Variants in GYS2 observed in about 807,000 individuals in gnomAD.
The protein encoded by GYS2 is glycogen synthase 2, also known as glycogen [starch] synthase, liver.
A neutral mutation model predicts 85.6 loss-of-function variants in GYS2; 80 were observed. The observed-to-expected ratio is 0.93, with a 90% CI of 0.78 to 1.13. GYS2 has a LOEUF of 1.13. GYS2 is among the 50% of genes most tolerant of loss of function. The pLI, the probability that GYS2 is intolerant of heterozygous loss-of-function variation, is 0.00. For missense variants in GYS2, 881 were observed against 854.9 expected, an observed-to-expected ratio of 1.03 and a Z score of -0.38; for synonymous variants, 328 against 300.7, an observed-to-expected ratio of 1.09 and a Z score of -0.94.
intron 1 of GYS2, among the ~76,000 whole-genome samples, chr12:21,585,224 A>C (rs1258644210): frequency 1.3e-5 from 2 of 152,196 alleles, no homozygotes; most frequent in Non-Finnish European, 2.9e-5. Flanking sequence ...TAGAGGTCTT[A>C]GTTCCAGAGG....
At chr12:21,584,024 C>T (rs748390136) in intron 1 of GYS2, among the ~76,000 whole-genome samples, 1 of 152,192 alleles carries the variant, frequency 6.6e-6, no homozygotes, top group Non-Finnish European at 1.5e-5. Context: ...AGACTAGGTC[C>T]TGGTTCACAG....
intron 1 of GYS2, 82 bp downstream of exon 1, chr12:21,604,390 A>G: frequency 1.2e-6 from 1 of 861,408 alleles, no homozygotes; most frequent in Non-Finnish European, 2.0e-6. Context: ...TTATCACTAG[A>G]GAGTTATCTG....
Position 21,546,325 on chromosome 12 carries a change from C to T in GYS2, c.1549+19G>A, listed in dbSNP as rs369697631. ...CTAACAAAATTCAAAACATTCCACACTCTATACATGACACATACCTGGAGT... is the reference window on the plus strand; with the variant it reads ...CTAACAAAATTCAAAACATTCCACATTCTATACATGACACATACCTGGAGT... On this transcript the variant is annotated intron_variant, in intron 12 of 15. Coordinates refer to ENST00000261195, the MANE Select transcript of GYS2 (RefSeq NM_021957.4). 2.5e-4 allele frequency: 384 copies of T among 1,565,632 alleles called. 4 individuals are homozygous for T. The highest frequency in any genetic ancestry group is 2.4e-3 in the South Asian group (217 of 89,418).
chr12:21,595,444 T>C (rs1448901429), intron 1 of GYS2, among the ~76,000 whole-genome samples: 1 of 152,142 alleles, frequency 6.6e-6, no homozygotes, highest in Non-Finnish European at 1.5e-5. Flanking sequence ...TGACCTTACC[T>C]GGAGTTGAGT....
At chr12:21,565,547 A>G (rs1428832477) in intron 5 of GYS2, among the ~76,000 whole-genome samples, 1 of 149,574 alleles carries the variant, frequency 6.7e-6, no homozygotes, top group East Asian at 2.0e-4. Flanking sequence ...ACCTAAAATC[A>G]TAGTAAAATG....
intron 1 of GYS2, among the ~76,000 whole-genome samples, chr12:21,586,122 G>T (rs1944569746): frequency 1.3e-5 from 2 of 152,090 alleles, no homozygotes; most frequent in South Asian, 4.2e-4. Flanking sequence ...TCAGTGGGCT[G>T]GGAAAGGCAG....
chr12:21,542,435 T>C (rs562189809), intron 13 of GYS2, 61 bp downstream of exon 13: 14 of 958,100 alleles, frequency 1.5e-5, no homozygotes, highest in South Asian at 9.0e-5. Context: ...GTAAAGACCC[T>C]GTGCTTTGTT....
At chr12:21,540,824 A>G (rs1372349823) in intron 13 of GYS2, among the ~76,000 whole-genome samples, 4 of 152,152 alleles carry the variant, frequency 2.6e-5, no homozygotes, top group Admixed American at 2.6e-4. Flanking sequence ...GATACGCTGG[A>G]TCAGTGATCC....
intron 11 of GYS2, among the ~76,000 whole-genome samples, chr12:21,557,770 G>A (rs908753774): frequency 4.6e-5 from 7 of 152,092 alleles, no homozygotes; most frequent in African/African-American, 1.7e-4. Flanking sequence ...ATGGTTGCGG[G>A]CGCCTGTAGT....
chr12:21,550,813 C>T (rs112739015), intron 11 of GYS2, among the ~76,000 whole-genome samples: 1 of 152,046 alleles, frequency 6.6e-6, no homozygotes, highest in Non-Finnish European at 1.5e-5. Flanking sequence ...TGGTGGCATG[C>T]ACCTGTAGTC....
intron 1 of GYS2, among the ~76,000 whole-genome samples, chr12:21,586,018 A>C (rs1272887105): frequency 3.9e-5 from 6 of 152,138 alleles, no homozygotes; most frequent in Non-Finnish European, 2.9e-5. Flanking sequence ...TGTGATGGTT[A>C]ATACTGAGTG....
rs1230733508 is a variant in GYS2 at position 21,537,130 on chromosome 12, G to A, written c.1936C>T (p.Pro646Ser). Residue 646 changes from proline to serine, a missense_variant, in exon 16 of 16, where the codon CCT becomes TCT. By Grantham distance (74) the Pro-to-Ser change is moderately conservative (BLOSUM62 -1). Transcript: ENST00000261195. ...YPRPSSVPPS[P>S]SGSQASSPQS... is the part of the protein sequence containing the mutation. ...GGACTGGAGGCCTGAGACCCTGAAG[G>A]AGAAGGTGGTACTGAGGAAGGCCTG... The A allele has an allele frequency of 2.5e-6, 4 of 1,613,832 alleles. No homozygotes were observed. The African/African-American group carries it at 4.0e-5, about 16-fold the overall frequency.
At chr12:21,563,397 C>A (rs753043944) in intron 5 of GYS2, 52 bp from the exon 6 acceptor site, 179 of 918,494 alleles carry the variant, frequency 1.9e-4, no homozygotes, top group Admixed American at 3.1e-4. Context: ...AAAGAGGGTA[C>A]CATTGTAGAA....
chr12:21,585,173 AT>A (rs1232683336), intron 1 of GYS2, among the ~76,000 whole-genome samples: 2 of 151,976 alleles, frequency 1.3e-5, no homozygotes, highest in Non-Finnish European at 2.9e-5. Context: ...CACTAGCAAA[AT>A]TTTTGCTTCC....
At chr12:21,569,249 T>C (rs79866926) in intron 4 of GYS2, among the ~76,000 whole-genome samples, 2,500 of 152,342 alleles carry the variant, frequency 0.016, 28 homozygotes, top group Middle Eastern at 0.027. Context: ...CCTAAGTAAA[T>C]GATGTTTCTA....
intron 5 of GYS2, among the ~76,000 whole-genome samples, chr12:21,567,531 GT>G (rs76569569): frequency 0.071 from 9,053 of 128,196 alleles, 460 homozygotes; most frequent in African/African-American, 0.16. Context: ...GTTCTATCTT[GT>G]TTTTTTTTTT....
intron 7 of GYS2, 26 bp downstream of exon 7, chr12:21,562,892 T>C (rs1445881562): frequency 6.2e-7 from 1 of 1,611,564 alleles, no homozygotes; most frequent in Non-Finnish European, 8.5e-7. Flanking sequence ...ACAAGAGTGT[T>C]ATACCATGTC....
intron 1 of GYS2, among the ~76,000 whole-genome samples, chr12:21,584,326 A>G (rs530511161): frequency 2.1e-5 from 3 of 142,182 alleles, no homozygotes; most frequent in Admixed American, 6.9e-5. Flanking sequence ...ATGTGGATGG[A>G]CCTCTATGAT....
chr12:21,540,968 C>T (rs1203911189), intron 13 of GYS2, among the ~76,000 whole-genome samples: 1 of 152,068 alleles, frequency 6.6e-6, no homozygotes, highest in African/African-American at 2.4e-5. Flanking sequence ...AGCCACAGTA[C>T]ACCCATAAAA....
Sources: allele counts gnomAD v4.1 joint callset (sites outside exome capture counted in the v4.1 genomes callset), GRCh38; gene constraint gnomAD v4.1.1; transcripts MANE v1.5; gene names NCBI Gene and HGNC (gene_info 2026-07-23, HGNC 2026-07-21).